The following NSG2 variants were observed in gnomAD, a reference collection of about 807,000 sequenced individuals.
NSG2 encodes the protein neuronal vesicle trafficking-associated protein 2.
A neutral mutation model predicts 16.9 loss-of-function variants in NSG2; 4 were observed. That is an observed-to-expected ratio of 0.24 (90% confidence interval 0.12 to 0.54). The LOEUF (loss-of-function observed/expected upper bound fraction) is 0.54, where lower values mean the gene tolerates loss of function less well. NSG2 is among the 20% of genes least tolerant of loss of function. The pLI, the probability that NSG2 is intolerant of heterozygous loss-of-function variation, is 0.95. For missense variants in NSG2, 179 were observed against 221.1 expected, an observed-to-expected ratio of 0.81 and a Z score of 1.21; for synonymous variants, 98 against 88.7, an observed-to-expected ratio of 1.11 and a Z score of -0.59.
At chr5:174,048,143 G>T (rs1228297515) in intron 2 of NSG2, among the ~76,000 whole-genome samples, 2 of 152,232 alleles carry the variant, frequency 1.3e-5, no homozygotes, top group Non-Finnish European at 2.9e-5. Flanking sequence ...AGCCTTTAAA[G>T]ATAAATTCTG....
At chr5:174,073,549 C>G (rs1287354546) in intron 3 of NSG2, among the ~76,000 whole-genome samples, 1 of 152,182 alleles carries the variant, frequency 6.6e-6, no homozygotes, top group Admixed American at 6.5e-5. Flanking sequence ...ACTGAAGATG[C>G]TGGCCTATGT....
At chr5:174,049,052 G>A (rs570538615) in intron 2 of NSG2, among the ~76,000 whole-genome samples, 5 of 152,152 alleles carry the variant, frequency 3.3e-5, no homozygotes, top group East Asian at 1.9e-4. Flanking sequence ...AAAAAAAACC[G>A]CAAGAGGCTG....
chr5:174,079,150 G>A (rs1053771199), intron 3 of NSG2, among the ~76,000 whole-genome samples: 7 of 152,128 alleles, frequency 4.6e-5, no homozygotes, highest in African/African-American at 1.2e-4. Context: ...GCTCCTCCCC[G>A]TGTGCTGGCA....
At chr5:174,048,973 G>A (rs942686325) in intron 2 of NSG2, among the ~76,000 whole-genome samples, 1 of 152,108 alleles carries the variant, frequency 6.6e-6, no homozygotes, top group African/African-American at 2.4e-5. Context: ...TTGATATGGG[G>A]AGGATCACAT....
At chr5:174,106,081 A>G (rs1253460209) in intron 4 of NSG2, among the ~76,000 whole-genome samples, 1 of 152,170 alleles carries the variant, frequency 6.6e-6, no homozygotes, top group Non-Finnish European at 1.5e-5. Context: ...GATGGAAGGA[A>G]GGTCCTGCCT....
In NSG2 at chr5:174,107,231, A is replaced by G; in HGVS notation, c.325-83A>G. The G allele has an allele frequency of 7.9e-7, 1 of 1,273,422 alleles. No homozygotes were observed. The highest frequency in any genetic ancestry group is 1.1e-6 in the Non-Finnish European group (1 of 928,734). The allele number at this position is 1,273,422 out of a possible 1,614,324, so 78.9% of individuals were successfully genotyped here. A position where few individuals can be genotyped will look rare whatever the true frequency, so the allele number is the denominator to read the frequency against. ...CTGGCTGACAGCCCGATGCAGCTGCACTCCAGTCAGGGTGGCTGTGTTGCT... is the reference window on the plus strand; with the variant it reads ...CTGGCTGACAGCCCGATGCAGCTGCGCTCCAGTCAGGGTGGCTGTGTTGCT... On this transcript the variant is annotated intron_variant, in intron 4 of 4. Coordinates refer to ENST00000303177, the MANE Select transcript of NSG2 (RefSeq NM_015980.5). The surrounding 1 kb of genome is among the most constrained non-coding windows in gnomAD (Gnocchi z 4.5).
intron 2 of NSG2, chr5:174,056,021 C>T (rs1278919177): frequency 1.3e-5 from 2 of 152,268 alleles, no homozygotes; most frequent in African/African-American, 2.4e-5. Context: ...AAGTTCCCAA[C>T]TAAGGATGCA....
chr5:174,102,752 T>TG (rs1248967953), intron 3 of NSG2, among the ~76,000 whole-genome samples: 29 of 81,918 alleles, frequency 3.5e-4, no homozygotes, highest in Admixed American at 1.8e-3. Context: ...ATGCTTTGTT[T>TG]TTTTTATTTA....
At chr5:174,073,765 C>T (rs1192274493) in intron 3 of NSG2, among the ~76,000 whole-genome samples, 2 of 152,120 alleles carry the variant, frequency 1.3e-5, no homozygotes, top group African/African-American at 4.8e-5. Flanking sequence ...TCAATGACCA[C>T]CCCATCGCAA....
intron 3 of NSG2, among the ~76,000 whole-genome samples, chr5:174,073,819 A>G (rs1760286338): frequency 6.6e-6 from 1 of 152,210 alleles, no homozygotes; most frequent in Non-Finnish European, 1.5e-5. Context: ...CATTGATCCA[A>G]ACAAACATTG....
chr5:174,066,188 T>C, intron 3 of NSG2: 1 of 456,250 alleles, frequency 2.2e-6, no homozygotes, highest in Non-Finnish European at 4.4e-6. Context: ...GTCTTACTTT[T>C]TTATTGTACT....
chr5:174,051,035 A>C, intron 2 of NSG2, among the ~76,000 whole-genome samples: 1 of 149,700 alleles, frequency 6.7e-6, no homozygotes, highest in Non-Finnish European at 1.5e-5. Flanking sequence ...CATTCCTTTC[A>C]CTCCCACGTT....
At chr5:174,087,819 A>T (rs1296890541) in intron 3 of NSG2, among the ~76,000 whole-genome samples, 2 of 152,044 alleles carry the variant, frequency 1.3e-5, no homozygotes, top group Non-Finnish European at 2.9e-5. Flanking sequence ...CAAGAAATGA[A>T]GTTAAAATAA....
intron 3 of NSG2, among the ~76,000 whole-genome samples, chr5:174,102,754 TTTTATTTATTTATTTA>T (rs1176455020): frequency 2.0e-4 from 18 of 90,850 alleles, no homozygotes; most frequent in South Asian, 1.5e-3. Context: ...GCTTTGTTTT[TTTTATTTATTTATTTA>T]TTTATTTATT....
chr5:174,080,258 C>T (rs1760425257), intron 3 of NSG2, among the ~76,000 whole-genome samples: 1 of 150,370 alleles, frequency 6.7e-6, no homozygotes, highest in East Asian at 1.9e-4. Flanking sequence ...CACTCCTTAC[C>T]CATTCTTGCA....
At chr5:174,100,449 G>A (rs756982645) in intron 3 of NSG2, among the ~76,000 whole-genome samples, 6 of 152,134 alleles carry the variant, frequency 3.9e-5, no homozygotes, top group Non-Finnish European at 7.3e-5. Flanking sequence ...CTAGAGCAGC[G>A]CTTCTCTTCC....
intron 2 of NSG2, among the ~76,000 whole-genome samples, chr5:174,061,612 T>A (rs1760052228): frequency 6.6e-6 from 1 of 152,182 alleles, no homozygotes; most frequent in Non-Finnish European, 1.5e-5. Context: ...AACTCTTTTT[T>A]TTCTTTTTTT....
chr5:174,095,604 T>C (rs1185297059), intron 3 of NSG2, among the ~76,000 whole-genome samples: 1 of 152,184 alleles, frequency 6.6e-6, no homozygotes. Context: ...CTCAAGATTC[T>C]TAACTAAATT....
In NSG2 at chr5:174,066,989, C is replaced by CAAAAAAAA. The variant is rs543368373; in HGVS notation, c.213+2694_213+2701dup. Among the ~76,000 whole-genome samples, 12 of 27,938 alleles carry CAAAAAAAA rather than the reference C, an allele frequency of 4.3e-4. 2 individuals carry two copies. Among genetic ancestry groups the CAAAAAAAA allele is most frequent in the East Asian group, 1.1e-3 (1 of 896 alleles). 18.3% of individuals were successfully genotyped at this position (27,938 alleles called of 152,430 possible). ...TGGGCGACAGAGCGAGACTCTGTCTCAAAAAAAAAAAAAAAAAAAAAAAAA... is the reference window on the plus strand; with the variant it reads ...TGGGCGACAGAGCGAGACTCTGTCTCAAAAAAAAAAAAAAAAAAAAAAAAAAAAAAAAA... On this transcript the variant is annotated intron_variant, in intron 3 of 4. Coordinates refer to ENST00000303177, the MANE Select transcript of NSG2 (RefSeq NM_015980.5).
Sources: allele counts gnomAD v4.1 joint callset (sites outside exome capture counted in the v4.1 genomes callset), GRCh38; gene constraint gnomAD v4.1.1; non-coding constraint Gnocchi (gnomAD v3.1); transcripts MANE v1.5; gene names NCBI Gene and HGNC (gene_info 2026-07-23, HGNC 2026-07-21).